Variants in PIKFYVE observed in about 807,000 individuals in gnomAD.
PIKFYVE encodes phosphoinositide kinase, FYVE-type zinc finger containing.
Under a neutral mutation model 257.9 loss-of-function variants are expected in PIKFYVE, and 122 were observed. The ratio of observed to expected loss-of-function variants is 0.47; its 90% CI spans 0.41 to 0.55. The LOEUF (loss-of-function observed/expected upper bound fraction) is 0.55, where lower values mean the gene tolerates loss of function less well. Ranked by LOEUF, PIKFYVE falls within the 20% of genes least tolerant of loss-of-function variation. PIKFYVE has a pLI of 0.00. For missense variants in PIKFYVE, 2,160 were observed against 2,536.6 expected, an observed-to-expected ratio of 0.85 and a Z score of 3.19; for synonymous variants, 892 against 868.9, an observed-to-expected ratio of 1.03 and a Z score of -0.47.
chr2:208,316,484 G>A lies in PIKFYVE; in HGVS notation c.2007+1111G>A, dbSNP rs547116398. Among the ~76,000 whole-genome samples the A allele has an allele frequency of 3.3e-5, 5 of 151,920 alleles. No individual in the cohort carries two copies. The East Asian group carries it at 5.8e-4, about 18-fold the overall frequency. ...TCCACAATGGTTGAACTAGTTTACAGTCCCACCAACAGTGTAAAAGTGTTC... is the reference window on the plus strand; with the variant it reads ...TCCACAATGGTTGAACTAGTTTACAATCCCACCAACAGTGTAAAAGTGTTC... On this transcript the variant is annotated intron_variant, in intron 15 of 41. Coordinates refer to ENST00000264380, the MANE Select transcript of PIKFYVE (RefSeq NM_015040.4).
intron 8 of PIKFYVE, among the ~76,000 whole-genome samples, chr2:208,299,486 C>CA (rs1455012348): frequency 6.6e-6 from 1 of 152,020 alleles, no homozygotes; most frequent in Non-Finnish European, 1.5e-5. Flanking sequence ...GACGGGGTTT[C>CA]ACAGTGTTGG....
At chr2:208,304,342 T>C (rs1383780997) in intron 11 of PIKFYVE, 24 bp downstream of exon 11, 1 of 1,610,012 alleles carries the variant, frequency 6.2e-7, no homozygotes. Flanking sequence ...TCTAACATTT[T>C]AGTTTTGATG....
intron 31 of PIKFYVE, among the ~76,000 whole-genome samples, chr2:208,341,149 A>G (rs1413022564): frequency 6.6e-6 from 1 of 151,964 alleles, no homozygotes; most frequent in Non-Finnish European, 1.5e-5. Context: ...CTGGGACTGC[A>G]GGTGTGCGCC....
intron 37 of PIKFYVE, 146 bp downstream of exon 37, chr2:208,351,093 A>C: frequency 4.2e-6 from 5 of 1,186,672 alleles, no homozygotes; most frequent in Non-Finnish European, 2.4e-6. Context: ...AGTTTTATTT[A>C]GTAGTTTTAA....
chr2:208,323,949 A>G (rs1696611223), intron 17 of PIKFYVE, among the ~76,000 whole-genome samples, 193 bp from the exon 18 acceptor site: 1 of 62,756 alleles, frequency 1.6e-5, no homozygotes, highest in Non-Finnish European at 4.1e-5. Flanking sequence ...CCACTTTTTG[A>G]TGGGGTTGTT....
chr2:208,270,275 C>G (rs1312812902), intron 1 of PIKFYVE, among the ~76,000 whole-genome samples: 1 of 152,142 alleles, frequency 6.6e-6, no homozygotes, highest in Non-Finnish European at 1.5e-5. Flanking sequence ...CTCCTGACTT[C>G]AGGTGATCCG....
intron 10 of PIKFYVE, among the ~76,000 whole-genome samples, chr2:208,303,580 C>T (rs1045152528): frequency 3.3e-5 from 5 of 152,104 alleles, no homozygotes; most frequent in African/African-American, 9.7e-5. Context: ...TCTTCATCCT[C>T]GTTTCGTGTT....
intron 17 of PIKFYVE, among the ~76,000 whole-genome samples, chr2:208,322,479 T>G (rs1309552177): frequency 6.6e-6 from 1 of 151,178 alleles, no homozygotes; most frequent in Non-Finnish European, 1.5e-5. Flanking sequence ...CTGAACTAGC[T>G]AATTGGATTC....
Position 208,328,270 on chromosome 2 carries a change from G to A in PIKFYVE, c.3709G>A (p.Val1237Ile). ...GTCCAGCAATGCTCCTAGTGCCTGT[G>A]TCAGTCCTTGGTAGGATTCTTTTCC... is the stretch of plus-strand genomic sequence containing the variant. The part of the protein sequence containing the change: ...AQSSNAPSAC[V>I]SPWIVTMEFY... Residue 1237 changes from valine (V) to isoleucine (I), a missense_variant, in exon 21 of 42, where the codon GTC (valine) becomes ATC (isoleucine). Around this residue, in one of 12 missense-constraint regions of PIKFYVE, gnomAD observed 522 missense variants for 514.6 expected, o/e 1.01. Coordinates refer to ENST00000264380, the MANE Select transcript of PIKFYVE (RefSeq NM_015040.4). 2 of 1,613,754 alleles carry A rather than the reference G, an allele frequency of 1.2e-6. No individual in the cohort carries two copies. Among genetic ancestry groups the A allele is most frequent in the Non-Finnish European group, 1.7e-6 (2 of 1,179,840 alleles).
intron 7 of PIKFYVE, among the ~76,000 whole-genome samples, chr2:208,291,462 G>A (rs1183986054): frequency 6.6e-6 from 1 of 152,040 alleles, no homozygotes; most frequent in Non-Finnish European, 1.5e-5. Context: ...TCTGGTTTTG[G>A]TATTAGGGAA....
At chr2:208,338,268 G>T (rs1698358911) in intron 28 of PIKFYVE, among the ~76,000 whole-genome samples, 3 of 151,736 alleles carry the variant, frequency 2.0e-5, no homozygotes, top group Admixed American at 1.3e-4. Context: ...ATATTAATGG[G>T]TTTATTATTT....
intron 38 of PIKFYVE, 143 bp from the exon 39 acceptor site, chr2:208,352,511 C>G (rs1211427808): frequency 1.2e-6 from 1 of 836,000 alleles, no homozygotes; most frequent in Non-Finnish European, 1.8e-6. Context: ...TTCTGAGATT[C>G]AAGAGTTTGA....
intron 31 of PIKFYVE, among the ~76,000 whole-genome samples, chr2:208,340,759 T>G (rs901258184): frequency 7.2e-5 from 11 of 152,196 alleles, no homozygotes; most frequent in African/African-American, 2.7e-4. Context: ...TTTTATTTAG[T>G]GCCTGTTTAA....
chr2:208,282,620 T>C (rs1423742532), intron 5 of PIKFYVE, among the ~76,000 whole-genome samples: 1 of 152,228 alleles, frequency 6.6e-6, no homozygotes, highest in African/African-American at 2.4e-5. Flanking sequence ...ACTCACATTC[T>C]AGAGGACAAT....
rs1693306284 is a variant in PIKFYVE at position 208,298,773 on chromosome 2, T to C, written c.1044T>C (p.Ile348=). ...AGACCACTGAGGATGAACGCAAAAT[T>C]CTTCTGGTACTGGTCCAGTATCTTT... is the stretch of plus-strand genomic sequence containing the variant. ...RTETTEDERK[I]LLDSVQLKDL... is the part of the protein sequence containing the mutation. The change falls in exon 8 of 42, where the codon ATT becomes ATC. Residue 348 remains isoleucine, a synonymous_variant. Transcript: ENST00000264380. 9 of 1,613,980 alleles carry C rather than the reference T, an allele frequency of 5.6e-6. No individual in the cohort carries two copies. The highest frequency in any genetic ancestry group is 6.8e-6 in the Non-Finnish European group (8 of 1,179,990).
At chr2:208,353,170 T>C (rs1480952009) in intron 39 of PIKFYVE, among the ~76,000 whole-genome samples, 1 of 152,192 alleles carries the variant, frequency 6.6e-6, no homozygotes, top group African/African-American at 2.4e-5. Flanking sequence ...GAGCTAGTCC[T>C]TGAACTGTTT....
At chr2:208,342,748 T>C (rs1698827336) in intron 32 of PIKFYVE, 99 bp downstream of exon 32, 2 of 973,742 alleles carry the variant, frequency 2.1e-6, no homozygotes, top group Non-Finnish European at 3.3e-6. Flanking sequence ...AGCAAAATGA[T>C]TAAATATAAG....
chr2:208,333,146 A>G (rs775924691), intron 23 of PIKFYVE, among the ~76,000 whole-genome samples, 169 bp from the exon 24 acceptor site: 1 of 152,060 alleles, frequency 6.6e-6, no homozygotes, highest in South Asian at 2.1e-4. Context: ...AGGCAGGAGA[A>G]TGGCCTGAAC....
chr2:208,296,402 C>T (rs375820921), intron 7 of PIKFYVE, among the ~76,000 whole-genome samples: 5 of 152,164 alleles, frequency 3.3e-5, no homozygotes, highest in African/African-American at 1.2e-4. Context: ...AAAGGTGACT[C>T]AGGTCTTTGA....
Sources: gnomAD v4.1 joint callset for allele counts (sites outside exome capture counted in the v4.1 genomes callset) on GRCh38, gnomAD v4.1.1 for gene constraint, gnomAD v4.1.1 regional missense constraint, MANE v1.5 for transcripts, NCBI Gene and HGNC (gene_info 2026-07-23, HGNC 2026-07-21) for gene names.